Variants in IL23R observed in about 807,000 individuals in gnomAD.
IL23R encodes interleukin 23 receptor.
A neutral mutation model predicts 56.9 loss-of-function variants in IL23R; 34 were observed. The observed-to-expected ratio is 0.60, with a 90% CI of 0.45 to 0.80. The LOEUF is 0.80. Ranked by LOEUF, IL23R falls within the 30% of genes least tolerant of loss-of-function variation. The probability of loss-of-function intolerance (pLI) is 0.00; values close to 1 mark genes in which losing one functional copy is unlikely to be tolerated. For missense variants in IL23R, 635 were observed against 730.0 expected (o/e 0.87, Z 1.50); for synonymous variants, 230 against 249.2 (o/e 0.92, Z 0.73).
At chr1:67,206,157 G>T (rs376305150) in intron 5 of IL23R, among the ~76,000 whole-genome samples, 1 of 150,414 alleles carries the variant, frequency 6.6e-6, no homozygotes, top group Non-Finnish European at 1.5e-5. Flanking sequence ...GGATTGGCAC[G>T]CACCACCACC....
the IL23R span, among the ~76,000 whole-genome samples, chr1:67,265,046 G>A: frequency 6.6e-6 from 1 of 152,068 alleles, no homozygotes. Context: ...TAACCATAAA[G>A]GCATACCTAA....
downstream of IL23R, among the ~76,000 whole-genome samples, chr1:67,263,904 T>A (rs1489983592): frequency 6.6e-6 from 1 of 151,242 alleles, no homozygotes; most frequent in African/African-American, 2.4e-5. Context: ...TCCTTAAATG[T>A]AAAACGGATG....
intron 3 of IL23R, among the ~76,000 whole-genome samples, chr1:67,181,381 T>C (rs1647139082): frequency 6.6e-6 from 1 of 152,216 alleles, no homozygotes; most frequent in Admixed American, 6.5e-5. Context: ...ATTTCATTCA[T>C]TTGATATTCC....
intron 3 of IL23R, among the ~76,000 whole-genome samples, chr1:67,174,113 C>T (rs1345115060): frequency 6.6e-6 from 1 of 152,094 alleles, no homozygotes. Context: ...AATAAGGGAA[C>T]ATCCTTTAAG....
Position 67,206,932 on chromosome 1 carries a change from T to C in IL23R, c.675T>C (p.Ile225=), listed in dbSNP as rs753835420. The change falls in exon 6 of 11, where the codon ATT becomes ATC. Residue 225 remains isoleucine, a synonymous_variant. Transcript: ENST00000347310. ...TAGTGATACCTTCTGCAGCCGTCAT[T>C]TCCAGGGCTGAGACTATAAATGCTA... ...DDIVIPSAAV[I]SRAETINATV... is the part of the protein sequence containing the mutation. 1 of 1,564,986 alleles carries C rather than the reference T, an allele frequency of 6.4e-7. No individual in the cohort carries two copies. Among genetic ancestry groups the C allele is most frequent in the Non-Finnish European group, 8.8e-7 (1 of 1,142,558 alleles).
At chr1:67,186,050 A>G (rs10127763) in intron 4 of IL23R, among the ~76,000 whole-genome samples, 134,407 of 152,224 alleles carry the variant, frequency 0.88, 59,398 homozygotes, top group East Asian at 1. Context: ...TTCTCTGGCT[A>G]CACCACTGGA....
chr1:67,257,142 C>T (rs1652993918), intron 10 of IL23R, among the ~76,000 whole-genome samples: 1 of 152,188 alleles, frequency 6.6e-6, no homozygotes, highest in Admixed American at 6.5e-5. Flanking sequence ...AACTCCTTTC[C>T]TATTCTGGGC....
intron 9 of IL23R, among the ~76,000 whole-genome samples, chr1:67,241,320 A>G (rs1356827945): frequency 1.3e-5 from 2 of 152,216 alleles, no homozygotes; most frequent in Non-Finnish European, 1.5e-5. Context: ...CATCCTGTTT[A>G]TAGGAGAAAA....
At chr1:67,251,845 T>G (rs10889674) in intron 9 of IL23R, among the ~76,000 whole-genome samples, 56,059 of 152,050 alleles carry the variant, frequency 0.37, 11,570 homozygotes, top group East Asian at 0.73. Context: ...TCTAAAGTAC[T>G]TAATTTTGAG....
chr1:67,182,875 A>G lies in IL23R; in HGVS notation c.407A>G (p.Tyr136Cys). 6.2e-7 allele frequency: 1 copy of G among 1,614,078 alleles called. No homozygotes were observed. Among genetic ancestry groups the G allele is most frequent in the Non-Finnish European group, 8.5e-7 (1 of 1,179,942 alleles). The change falls in exon 4 of 11, where the codon TAT (tyrosine) becomes TGT (cysteine). Residue 136 changes from tyrosine (Y) to cysteine (C), a missense_variant. Physicochemically the swap from Tyr to Cys is radical, Grantham distance 194. Coordinates refer to ENST00000347310, the MANE Select transcript of IL23R (RefSeq NM_144701.3). ...CCTGATGAAGTAACCTGTGTCATTT[A>G]TGAATATTCAGGCAACATGACTTGC... ...DIPDEVTCVI[Y>C]EYSGNMTCTW... is the part of the protein sequence containing the mutation.
chr1:67,215,032 C>T (rs1649742173), intron 6 of IL23R, among the ~76,000 whole-genome samples: 1 of 152,214 alleles, frequency 6.6e-6, no homozygotes, highest in African/African-American at 2.4e-5. Flanking sequence ...CACGTACCGC[C>T]TGCTTGCTCA....
At chr1:67,179,311 T>A (rs151088748) in intron 3 of IL23R, among the ~76,000 whole-genome samples, 2,487 of 152,298 alleles carry the variant, frequency 0.016, 61 homozygotes, top group African/African-American at 0.056. Flanking sequence ...TATTGGCCTA[T>A]TCAGAGATTC....
chr1:67,207,337 T>C (rs1438143927), intron 6 of IL23R, among the ~76,000 whole-genome samples: 2 of 152,298 alleles, frequency 1.3e-5, no homozygotes, highest in African/African-American at 2.4e-5. Context: ...ATAATTTGCT[T>C]TTCAACCCTT....
At chr1:67,232,526 C>T (rs1033977147) in intron 7 of IL23R, among the ~76,000 whole-genome samples, 7 of 152,160 alleles carry the variant, frequency 4.6e-5, no homozygotes, top group African/African-American at 1.2e-4. Flanking sequence ...TGGGAATTTC[C>T]ACTCTTCACC....
chr1:67,258,874 C>T lies in IL23R; in HGVS notation c.1636C>T (p.Leu546Phe). 1.2e-6 allele frequency: 2 copies of T among 1,614,044 alleles called. No homozygotes were observed. Among genetic ancestry groups the T allele is most frequent in the Non-Finnish European group, 1.7e-6 (2 of 1,180,000 alleles). The stretch of plus-strand genomic sequence containing the variant: ...GAATTCACTAAGCAACACAATATTT[C>T]TTGGAGAATTAAGCCTCATATTAAA... ...SVNSLSNTIFLGELSLILNQG... is the reference protein window; with the variant it reads ...SVNSLSNTIFFGELSLILNQG... The change falls in exon 11 of 11, where the codon CTT becomes TTT. Residue 546 changes from leucine to phenylalanine, a missense_variant. Transcript: ENST00000347310.
At chr1:67,152,018 T>C (rs80190293) in intron 1 of IL23R, among the ~76,000 whole-genome samples, 1 of 152,226 alleles carries the variant, frequency 6.6e-6, no homozygotes, top group Non-Finnish European at 1.5e-5. Context: ...GGTAGTTGGA[T>C]GGGAATAGGC....
downstream of IL23R, among the ~76,000 whole-genome samples, chr1:67,260,696 T>C (rs183290672): frequency 1.5e-4 from 23 of 152,258 alleles, no homozygotes; most frequent in Middle Eastern, 3.4e-3. Flanking sequence ...GTGATTAATA[T>C]TTATGGGCAA....
intron 9 of IL23R, among the ~76,000 whole-genome samples, chr1:67,248,323 T>C (rs946198243): frequency 3.9e-5 from 6 of 152,196 alleles, no homozygotes; most frequent in African/African-American, 1.4e-4. Context: ...TTTTCATTCT[T>C]TTTTCTCTGA....
intron 1 of IL23R, among the ~76,000 whole-genome samples, chr1:67,156,282 T>G (rs978488140): frequency 1.1e-4 from 16 of 152,226 alleles, no homozygotes; most frequent in Non-Finnish European, 2.2e-4. Flanking sequence ...AGGGATTCAC[T>G]TGAGGAGGCA....
Sources: gnomAD v4.1 joint callset for allele counts (sites outside exome capture counted in the v4.1 genomes callset) on GRCh38, gnomAD v4.1.1 for gene constraint, MANE v1.5 for transcripts, NCBI Gene and HGNC (gene_info 2026-07-23, HGNC 2026-07-21) for gene names.